SNX29: variants seen among roughly 807,000 people sequenced by gnomAD.
SNX29 encodes sorting nexin 29.
SNX29 carries 78 observed loss-of-function variants against 102.1 expected under a neutral mutation model. The ratio of observed to expected loss-of-function variants is 0.76; its 90% CI spans 0.64 to 0.92. The LOEUF (loss-of-function observed/expected upper bound fraction) is 0.92, where lower values mean the gene tolerates loss of function less well. Among genes scored for constraint, SNX29 ranks in the 40% least tolerant of loss-of-function variants. The pLI is 0.00. For synonymous variants in SNX29, 580 were observed against 414.5 expected, an observed-to-expected ratio of 1.40 and a Z score of -4.85; for missense variants, 1,280 against 1,061.7, an observed-to-expected ratio of 1.21 and a Z score of -2.86.
intron 14 of SNX29, among the ~76,000 whole-genome samples, chr16:12,265,898 A>G (rs1191011983): frequency 4.6e-5 from 7 of 152,028 alleles, no homozygotes; most frequent in African/African-American, 9.7e-5. Context: ...TCAAAAAAAG[A>G]AAACTCTCAT....
chr16:12,071,835 CTT>C (rs773099136), intron 10 of SNX29, among the ~76,000 whole-genome samples: 5 of 152,212 alleles, frequency 3.3e-5, no homozygotes, highest in Admixed American at 1.3e-4. Flanking sequence ...TTTGTATACT[CTT>C]TTATTTCATT....
At chr16:12,353,735 G>A (rs2082056623) in intron 15 of SNX29, among the ~76,000 whole-genome samples, 1 of 152,222 alleles carries the variant, frequency 6.6e-6, no homozygotes, top group Non-Finnish European at 1.5e-5. Context: ...GACTGAGTGA[G>A]TTAGTGAGAC....
intron 7 of SNX29, 138 bp downstream of exon 7, chr16:12,048,758 T>A (rs1164775415): frequency 6.9e-7 from 1 of 1,444,726 alleles, no homozygotes; most frequent in Non-Finnish European, 9.6e-7. Context: ...GTGTTTCTGT[T>A]TCTCATCCTC....
At chr16:12,092,462 A>G (rs1284173435) in intron 11 of SNX29, among the ~76,000 whole-genome samples, 1 of 152,256 alleles carries the variant, frequency 6.6e-6, no homozygotes, top group Non-Finnish European at 1.5e-5. Context: ...AAGGCCTGGT[A>G]ATATGAGTTG....
At chr16:12,447,268 TGAA>T (rs2151699200) in intron 18 of SNX29, among the ~76,000 whole-genome samples, 1 of 150,978 alleles carries the variant, frequency 6.6e-6, no homozygotes, top group African/African-American at 2.4e-5. Flanking sequence ...TCCAGGCAAT[TGAA>T]GAAGTCCCAT....
chr16:12,561,235 C>T (rs898739509), intron 20 of SNX29: 2 of 229,972 alleles, frequency 8.7e-6, no homozygotes, highest in African/African-American at 2.2e-5. Flanking sequence ...GAAGGCAGAG[C>T]AAGGCCACTC....
At chr16:12,388,932 A>T (rs1641882) in intron 16 of SNX29, among the ~76,000 whole-genome samples, 2 of 152,034 alleles carry the variant, frequency 1.3e-5, no homozygotes, top group African/African-American at 4.8e-5. Context: ...GTGTCACTAG[A>T]GGATCAACCC....
At chr16:12,525,000 T>G (rs2076740038) in intron 20 of SNX29, among the ~76,000 whole-genome samples, 159 bp downstream of exon 20, 1 of 152,056 alleles carries the variant, frequency 6.6e-6, no homozygotes, top group Admixed American at 6.6e-5. Flanking sequence ...AAGTGGAGGT[T>G]GGGTCTCAGC....
At chr16:12,473,820 A>G (rs1245121899) in intron 18 of SNX29, among the ~76,000 whole-genome samples, 2 of 152,158 alleles carry the variant, frequency 1.3e-5, no homozygotes, top group East Asian at 3.9e-4. Flanking sequence ...ATGCCATGGC[A>G]ACATCAGGAA....
chr16:12,512,199 G>A (rs2089650915), intron 19 of SNX29, among the ~76,000 whole-genome samples: 1 of 150,800 alleles, frequency 6.6e-6, no homozygotes, highest in Non-Finnish European at 1.5e-5. Flanking sequence ...AGTTTGGGGT[G>A]TGAGCATCTC....
intron 15 of SNX29, among the ~76,000 whole-genome samples, chr16:12,342,161 T>A (rs1249807867): frequency 6.6e-6 from 1 of 152,210 alleles, no homozygotes; most frequent in Non-Finnish European, 1.5e-5. Context: ...GTGATACTTT[T>A]GCACTTACCT....
intron 15 of SNX29, among the ~76,000 whole-genome samples, chr16:12,326,232 G>C (rs1253371446): frequency 1.3e-5 from 2 of 151,802 alleles, no homozygotes; most frequent in Non-Finnish European, 2.9e-5. Context: ...GGCTGGTCTT[G>C]AACTCCTGAC....
chr16:12,549,951 T>G (rs569028944), intron 20 of SNX29, among the ~76,000 whole-genome samples: 1 of 152,260 alleles, frequency 6.6e-6, no homozygotes, highest in East Asian at 1.9e-4. Flanking sequence ...ATAAGTAAAG[T>G]TTTATTGGAA....
intron 15 of SNX29, among the ~76,000 whole-genome samples, chr16:12,308,404 G>A (rs1346051652): frequency 2.0e-5 from 3 of 152,194 alleles, no homozygotes; most frequent in Non-Finnish European, 2.9e-5. Flanking sequence ...TATCCCTTCT[G>A]CAGGGATCAA....
chr16:12,425,244 A>T, intron 18 of SNX29, among the ~76,000 whole-genome samples: 1 of 152,224 alleles, frequency 6.6e-6, no homozygotes, highest in Admixed American at 6.5e-5. Context: ...AGGGGTCAGG[A>T]GAGAGCAGAA....
At chr16:12,044,955 A>G (rs1358602422) in intron 5 of SNX29, among the ~76,000 whole-genome samples, 1 of 152,124 alleles carries the variant, frequency 6.6e-6, no homozygotes, top group East Asian at 1.9e-4. Context: ...AGAGTTACAT[A>G]CTCAGTCTCA....
In SNX29 at chr16:12,564,002, T is replaced by A. The variant is rs148831670; in HGVS notation, c.2319-4504T>A. Among the ~76,000 whole-genome samples, 182 of 152,282 alleles carry A rather than the reference T, an allele frequency of 1.2e-3. 3 individuals are homozygous for A. The South Asian group carries it at 0.014, about 12-fold the overall frequency. On this transcript the variant is annotated intron_variant, in intron 20 of 20. Coordinates refer to ENST00000566228, the MANE Select transcript of SNX29 (RefSeq NM_032167.5). ...GGTTCCCTCTGCCCCTGCAGCACCC[T>A]CTTCCCCCAGGGTAGGGAGTTGAGG...
intron 14 of SNX29, among the ~76,000 whole-genome samples, chr16:12,259,973 T>C (rs2078686625): frequency 2.0e-5 from 3 of 152,162 alleles, no homozygotes; most frequent in Admixed American, 2.0e-4. Flanking sequence ...CGCTCAGGTC[T>C]TTGCTCCTGC....
intron 20 of SNX29, among the ~76,000 whole-genome samples, chr16:12,562,440 T>C (rs1275231939): frequency 6.6e-6 from 1 of 152,218 alleles, no homozygotes; most frequent in Non-Finnish European, 1.5e-5. Flanking sequence ...CACAGCTTGC[T>C]AGTTTGACTT....
Sources: gnomAD v4.1 joint callset for allele counts (sites outside exome capture counted in the v4.1 genomes callset) on GRCh38, gnomAD v4.1.1 for gene constraint, MANE v1.5 for transcripts, NCBI Gene and HGNC (gene_info 2026-07-23, HGNC 2026-07-21) for gene names.